NPNT: variants seen among roughly 807,000 people sequenced by gnomAD.
NPNT encodes the protein nephronectin.
A neutral mutation model predicts 68.6 loss-of-function variants in NPNT; 45 were observed. The observed-to-expected ratio is 0.66, with a 90% CI of 0.52 to 0.84. NPNT has a LOEUF of 0.84. Ranked by LOEUF, NPNT falls within the 40% of genes least tolerant of loss-of-function variation. The probability of loss-of-function intolerance (pLI) is 0.00; values close to 1 mark genes in which losing one functional copy is unlikely to be tolerated. For synonymous variants in NPNT, 233 were observed against 253.3 expected (o/e 0.92, Z 0.76); for missense variants, 672 against 714.8 (o/e 0.94, Z 0.68).
intron 10 of NPNT, among the ~76,000 whole-genome samples, chr4:105,963,468 T>G (rs1731891961): frequency 6.6e-6 from 1 of 152,172 alleles, no homozygotes; most frequent in Admixed American, 6.6e-5. Flanking sequence ...TAAGTGCATT[T>G]GCTAGCTGCC....
intron 2 of NPNT, among the ~76,000 whole-genome samples, chr4:105,902,247 A>G (rs923616249): frequency 6.6e-6 from 1 of 152,242 alleles, no homozygotes; most frequent in Admixed American, 6.5e-5. Flanking sequence ...TTTGTTTTGA[A>G]GGCCACACAT....
chr4:105,935,111 C>T (rs1250055624), intron 3 of NPNT, among the ~76,000 whole-genome samples: 1 of 152,122 alleles, frequency 6.6e-6, no homozygotes. Flanking sequence ...CAGGAACTCA[C>T]AAAAGTTTCT....
rs750749067 is a variant in NPNT, at chr4:105,938,424, A to G, written c.505+4A>G. 21 of 1,611,746 alleles carry G rather than the reference A, an allele frequency of 1.3e-5. No individual in the cohort carries two copies. In the South Asian group the frequency reaches 2.1e-4, roughly 16 times the overall value. ...CCTGATGGGAGGACCTGTGTAGGTG[A>G]GTTGTAAAATCAAGCATCTCTGTCA... On this transcript the variant is annotated splice_donor_region_variant and intron_variant, in intron 5 of 11. Transcript: ENST00000379987.
At chr4:105,954,134 T>C (rs1329511400) in intron 8 of NPNT, among the ~76,000 whole-genome samples, 1 of 152,196 alleles carries the variant, frequency 6.6e-6, no homozygotes, top group Non-Finnish European at 1.5e-5. Flanking sequence ...CAGCATTTCT[T>C]ACAAGAACTT....
intron 5 of NPNT, 98 bp from the exon 6 acceptor site, chr4:105,939,977 T>C (rs989913932): frequency 1.9e-6 from 2 of 1,037,440 alleles, no homozygotes; most frequent in African/African-American, 1.6e-5. Context: ...AGCCACTATA[T>C]GCTAGGCAAC....
intron 2 of NPNT, among the ~76,000 whole-genome samples, chr4:105,923,707 G>A (rs72673898): frequency 0.034 from 5,215 of 152,118 alleles, 130 homozygotes; most frequent in Non-Finnish European, 0.052. Flanking sequence ...GTGCTCTTCA[G>A]CCCCCTTCTT....
intron 10 of NPNT, among the ~76,000 whole-genome samples, chr4:105,966,750 G>A (rs1053551621): frequency 6.6e-6 from 1 of 151,930 alleles, no homozygotes; most frequent in African/African-American, 2.4e-5. Context: ...ACTGTTCAGA[G>A]GTTAATTATC....
At chr4:105,943,873 G>A (rs1410430074) in intron 8 of NPNT, among the ~76,000 whole-genome samples, 1 of 152,158 alleles carries the variant, frequency 6.6e-6, no homozygotes, top group Non-Finnish European at 1.5e-5. Context: ...AAATTGGGAG[G>A]CTGAGGCAGA....
rs1046726347 is a variant in NPNT, at chr4:105,919,241, T to C, written c.173-8095T>C. The stretch of plus-strand genomic sequence containing the variant: ...ATCCTTATTGTTAACGTTTTACACA[T>C]TTTTTTTTCTCTCTTCCTTCCCGCC... On this transcript the variant is annotated intron_variant, in intron 2 of 11. Coordinates refer to ENST00000379987, the MANE Select transcript of NPNT (RefSeq NM_001033047.3). Among the ~76,000 whole-genome samples the C allele has an allele frequency of 1.0e-3, 154 of 151,576 alleles. 1 individual carries two copies. Among genetic ancestry groups the C allele is most frequent in the African/African-American group, 3.5e-3 (144 of 41,442 alleles).
rs1732559389 is a variant in NPNT at position 105,971,435 on chromosome 4, G to A, written c.*2445G>A. On this transcript the variant is annotated 3_prime_UTR_variant, in exon 12 of 12. Coordinates refer to ENST00000379987, the MANE Select transcript of NPNT (RefSeq NM_001033047.3). ...ATATGGCTGTAGATCCATTTTTAAT[G>A]GTTCATTTCCTTTATGGTCATATAA... 4.6e-6 allele frequency: 1 copy of A among 217,064 alleles called. No homozygotes were observed. The highest frequency in any genetic ancestry group is 6.7e-5 in the South Asian group (1 of 14,824). The allele number at this position is 217,064 out of a possible 1,614,324, so 13.4% of individuals were successfully genotyped here. A position where few individuals can be genotyped will look rare whatever the true frequency, so the allele number is the denominator to read the frequency against.
At chr4:105,948,048 A>G (rs892373963) in intron 8 of NPNT, among the ~76,000 whole-genome samples, 1 of 152,200 alleles carries the variant, frequency 6.6e-6, no homozygotes, top group Non-Finnish European at 1.5e-5. Context: ...CATATGCTTA[A>G]CTAGCTAAAT....
rs761569898 is a variant in NPNT at position 105,942,570 on chromosome 4, C to T, written c.1027C>T (p.Pro343Ser). The T allele has an allele frequency of 1.2e-6, 2 of 1,614,040 alleles. No individual in the cohort carries two copies. Among genetic ancestry groups the T allele is most frequent in the Non-Finnish European group, 1.7e-6 (2 of 1,180,000 alleles). ...GCCAACAGAGCTCAGAACACCTCTA[C>T]CACCTACAACCCCAGAAAGGCCAAC... Reference protein sequence around the residue: ...PLPTELRTPLPPTTPERPTTG... With the variant: ...PLPTELRTPLSPTTPERPTTG... Residue 343 changes from proline to serine, a missense_variant, in exon 8 of 12, where the codon CCA (proline) becomes TCA (serine). By Grantham distance (74) the Pro-to-Ser change is moderately conservative. Coordinates refer to ENST00000379987, the MANE Select transcript of NPNT (RefSeq NM_001033047.3).
At chr4:105,896,110 T>G in intron 1 of NPNT, 2 of 197,400 alleles carry the variant, frequency 1.0e-5, no homozygotes, top group East Asian at 1.4e-4. Context: ...TAGACGGCTC[T>G]TCACTGGGGA....
In NPNT at chr4:105,959,809, CT is replaced by C. The variant is rs35297511; in HGVS notation, c.1345+701del. 9.1e-3 allele frequency among the ~76,000 whole-genome samples: 1,202 copies of C among 131,486 alleles called. 11 individuals are homozygous for C. The highest frequency in any genetic ancestry group is 0.025 in the African/African-American group (881 of 35,906). 86.3% of individuals were successfully genotyped at this position (131,486 alleles called of 152,430 possible). ...GCTTTTCTCCCCTCAGTAGTTAAAT[CT>C]TTTTTTTTTTTTTTTTTGAGATGGA... On this transcript the variant is annotated intron_variant, in intron 10 of 11. Coordinates refer to ENST00000379987, the MANE Select transcript of NPNT (RefSeq NM_001033047.3).
chr4:105,906,404 C>G (rs1417704580), intron 2 of NPNT, among the ~76,000 whole-genome samples: 1 of 152,116 alleles, frequency 6.6e-6, no homozygotes, highest in Non-Finnish European at 1.5e-5. Flanking sequence ...CATAGAAGAT[C>G]CGTCAACATA....
intron 8 of NPNT, among the ~76,000 whole-genome samples, chr4:105,953,092 G>GT (rs1168365415): frequency 2.0e-5 from 3 of 152,128 alleles, no homozygotes; most frequent in Admixed American, 1.3e-4. Context: ...CTTGAACCCG[G>GT]GAGGCAGAGA....
chr4:105,918,287 C>T (rs959167153), intron 2 of NPNT, among the ~76,000 whole-genome samples: 22 of 152,122 alleles, frequency 1.4e-4, no homozygotes, highest in African/African-American at 4.6e-4. Flanking sequence ...TACTTCAACT[C>T]ATGTATCAGT....
At chr4:105,932,622 A>G in intron 3 of NPNT, 4 of 1,534,986 alleles carry the variant, frequency 2.6e-6, no homozygotes, top group Non-Finnish European at 3.5e-6. Flanking sequence ...AGACGAGCAC[A>G]TCCCAGCTCC....
chr4:105,928,232 G>T (rs1388009884), intron 3 of NPNT, among the ~76,000 whole-genome samples: 2 of 152,006 alleles, frequency 1.3e-5, no homozygotes, highest in African/African-American at 4.8e-5. Context: ...ACTAGTTTTG[G>T]ATAAAAAAAT....
Sources: gnomAD v4.1 joint callset for allele counts (sites outside exome capture counted in the v4.1 genomes callset) on GRCh38, gnomAD v4.1.1 for gene constraint, MANE v1.5 for transcripts, NCBI Gene and HGNC (gene_info 2026-07-23, HGNC 2026-07-21) for gene names.